Variants in CEP43 observed in about 807,000 individuals in gnomAD.
CEP43 encodes centrosomal protein 43.
In CEP43, 36 loss-of-function variants were observed where a neutral mutation model predicts 52.6. The ratio of observed to expected loss-of-function variants is 0.68; its 90% CI spans 0.52 to 0.90. The LOEUF is 0.90. Among genes scored for constraint, CEP43 ranks in the 40% least tolerant of loss-of-function variants. The pLI, the probability that CEP43 is intolerant of heterozygous loss-of-function variation, is 0.00. For synonymous variants in CEP43, 192 were observed against 172.4 expected (o/e 1.11, Z -0.89); for missense variants, 506 against 472.8 (o/e 1.07, Z -0.65).
rs1780489870 is a variant in CEP43, at chr6:167,032,502, A to T, written c.989-101A>T. 4 of 1,063,002 alleles carry T rather than the reference A, an allele frequency of 3.8e-6. No homozygotes were observed. In the South Asian group the frequency reaches 9.2e-5, roughly 24 times the overall value. The allele number at this position is 1,063,002 out of a possible 1,614,324, so 65.8% of individuals were successfully genotyped here. A position where few individuals can be genotyped will look rare whatever the true frequency, so the allele number is the denominator to read the frequency against. ...TTATTTCTAGTCTGGGACTTTTTAA[A>T]TGATGCAATATAATTAATTTTTTTT... On this transcript the variant is annotated intron_variant, in intron 10 of 12. Transcript: ENST00000366847.
In CEP43 at chr6:167,049,281, T is replaced by C. The variant is rs767082961; in HGVS notation, c.*9303T>C. ...GAAGGCAACTCTAAATTTTATGAAC[T>C]TCAAGTGCTATAAAACAATTACCAC... On this transcript the variant is annotated 3_prime_UTR_variant, in exon 13 of 13. Transcript: ENST00000366847. 6.6e-6 allele frequency: 1 copy of C among 152,256 alleles called. No homozygotes were observed. The highest frequency in any genetic ancestry group is 2.4e-5 in the African/African-American group (1 of 41,464). 9.4% of individuals were successfully genotyped at this position (152,256 alleles called of 1,614,324 possible).
rs878970084 is a variant in CEP43, at chr6:167,003,651, A to G, written c.212-72A>G. On this transcript the variant is annotated intron_variant, in intron 3 of 12. Coordinates refer to ENST00000366847, the MANE Select transcript of CEP43 (RefSeq NM_007045.4). ...TTTCTTCCATTAATTTAGTGTATCT[A>G]TTTCATAATGTTAATTTAAAAAATT... 16 of 894,588 alleles carry G rather than the reference A, an allele frequency of 1.8e-5. No homozygotes were observed. The South Asian group carries it at 2.4e-4, about 13-fold the overall frequency. 55.4% of individuals were successfully genotyped at this position (894,588 alleles called of 1,614,324 possible).
chr6:167,035,204 TA>T (rs1409469106), intron 12 of CEP43, among the ~76,000 whole-genome samples: 1 of 152,240 alleles, frequency 6.6e-6, no homozygotes, highest in African/African-American at 2.4e-5. Flanking sequence ...CTTAAAAGCT[TA>T]AATTTAGATA....
rs565116541 is a variant in CEP43, at chr6:167,003,163, A to T, written c.157-30A>T. On this transcript the variant is annotated intron_variant, in intron 2 of 12. Transcript: ENST00000366847. ...TTGTAGTTGTTTTTAGGGTAAACAC[A>T]TGACACTTAAATTTTTTTTTTTTTA... The T allele has an allele frequency of 3.8e-6, 4 of 1,044,160 alleles. No homozygotes were observed. In the South Asian group the frequency reaches 5.9e-5, roughly 15 times the overall value. 64.7% of individuals were successfully genotyped at this position (1,044,160 alleles called of 1,614,324 possible).
At chr6:167,038,073 T>C (rs1230474004) in intron 12 of CEP43, among the ~76,000 whole-genome samples, 1 of 152,248 alleles carries the variant, frequency 6.6e-6, no homozygotes, top group Admixed American at 6.5e-5. Context: ...GGTTTTTTCC[T>C]TAGTTAAGAA....
In CEP43 at chr6:167,004,344, A is replaced by G. The variant is rs766532128; in HGVS notation, c.381A>G (p.Leu127=). 21 of 1,612,238 alleles carry G rather than the reference A, an allele frequency of 1.3e-5. No homozygotes were observed. Among genetic ancestry groups the G allele is most frequent in the Non-Finnish European group, 1.8e-5 (21 of 1,179,070 alleles). ...CAGAAGGTACTGTGGGTGGACCCTT[A>G]TTATTAGAAGTGATCAGGCGCTGTC... ...IEAEGTVGGP[L]LLEVIRRCQQ... Residue 127 remains leucine, a synonymous_variant, in exon 5 of 13, where the codon TTA becomes TTG. Coordinates refer to ENST00000366847, the MANE Select transcript of CEP43 (RefSeq NM_007045.4).
Position 167,047,056 on chromosome 6 carries a change from C to G in CEP43, c.*7078C>G, listed in dbSNP as rs1250003074. The G allele has an allele frequency of 6.6e-6, 1 of 152,346 alleles. No homozygotes were observed. Among genetic ancestry groups the G allele is most frequent in the Non-Finnish European group, 1.5e-5 (1 of 68,188 alleles). The allele number at this position is 152,346 out of a possible 1,614,324, so 9.4% of individuals were successfully genotyped here. On this transcript the variant is annotated 3_prime_UTR_variant, in exon 13 of 13. Coordinates refer to ENST00000366847, the MANE Select transcript of CEP43 (RefSeq NM_007045.4). ...TAGGGGGCGCTGCCTGCAATGTCCACGTGGAAACCTGGCTGGGAGAATGCC... is the reference window on the plus strand; with the variant it reads ...TAGGGGGCGCTGCCTGCAATGTCCAGGTGGAAACCTGGCTGGGAGAATGCC...
rs1305991484 is a variant in CEP43, at chr6:167,047,135, G to C, written c.*7157G>C. 1.3e-5 allele frequency: 2 copies of C among 152,282 alleles called. No individual in the cohort carries two copies. Among genetic ancestry groups the C allele is most frequent in the African/African-American group, 4.8e-5 (2 of 41,436 alleles). The allele number at this position is 152,282 out of a possible 1,614,324, so 9.4% of individuals were successfully genotyped here. On this transcript the variant is annotated 3_prime_UTR_variant, in exon 13 of 13. Transcript: ENST00000366847. ...GTGAGCAAACCTTCTTCAGAGAGGG[G>C]ATGTTCAATGCGAAATTTGAACATT...
At chr6:167,039,790 T>C (rs1780655747) in intron 12 of CEP43, 114 bp from the exon 13 acceptor site, 2 of 1,025,494 alleles carry the variant, frequency 2.0e-6, no homozygotes, top group Admixed American at 4.4e-5. Context: ...TTTTTGATTA[T>C]GGCCATTCTT....
Position 167,040,230 on chromosome 6 carries a change from C to A in CEP43, c.*252C>A, listed in dbSNP as rs73033013. 1 of 1,520,196 alleles carries A rather than the reference C, an allele frequency of 6.6e-7. No individual in the cohort carries two copies. Among genetic ancestry groups the A allele is most frequent in the Non-Finnish European group, 8.8e-7 (1 of 1,141,900 alleles). 94.2% of individuals were successfully genotyped at this position (1,520,196 alleles called of 1,614,324 possible). On this transcript the variant is annotated 3_prime_UTR_variant, in exon 13 of 13. Transcript: ENST00000366847. Reference sequence around the variant, plus strand: ...TCTTTATGGAAATTGATTATCTACACTCAGTTTCATTACAGGGAAGGAACC... The same window carrying A: ...TCTTTATGGAAATTGATTATCTACAATCAGTTTCATTACAGGGAAGGAACC...
Position 167,052,462 on chromosome 6 carries a change from T to C in CEP43, c.*12484T>C, listed in dbSNP as rs1366691053. ...CTTTGTAAATTCCCAGTGACAACTC[T>C]TTGGAAGATGAAATCCCCCTCTTCC... is the stretch of plus-strand genomic sequence containing the variant. On this transcript the variant is annotated 3_prime_UTR_variant, in exon 13 of 13. Coordinates refer to ENST00000366847, the MANE Select transcript of CEP43 (RefSeq NM_007045.4). 2 of 152,188 alleles carry C rather than the reference T, an allele frequency of 1.3e-5. No homozygotes were observed. The highest frequency in any genetic ancestry group is 2.1e-4 in the South Asian group (1 of 4,832). The allele number at this position is 152,188 out of a possible 1,614,324, so 9.4% of individuals were successfully genotyped here.
At chr6:167,017,621 A>C (rs1449718955) in intron 7 of CEP43, among the ~76,000 whole-genome samples, 6 of 151,082 alleles carry the variant, frequency 4.0e-5, no homozygotes, top group Non-Finnish European at 8.8e-5. Context: ...AGTCAGTCTG[A>C]TACAATTCAG....
chr6:167,025,080 T>G lies in CEP43; in HGVS notation c.919+186T>G, dbSNP rs1780324940. 8 of 522,224 alleles carry G rather than the reference T, an allele frequency of 1.5e-5. No homozygotes were observed. The South Asian group carries it at 2.2e-4, about 15-fold the overall frequency. The allele number at this position is 522,224 out of a possible 1,614,324, so 32.3% of individuals were successfully genotyped here. A position where few individuals can be genotyped will look rare whatever the true frequency, so the allele number is the denominator to read the frequency against. On this transcript the variant is annotated intron_variant, in intron 9 of 12. Transcript: ENST00000366847. ...ACTTCTAAGGTGGTCCTATTTTATA[T>G]GTTGTTTTGTATTCTGGCCCTTCCT...
chr6:167,024,564 G>A (rs1780311707), intron 8 of CEP43, among the ~76,000 whole-genome samples: 1 of 152,218 alleles, frequency 6.6e-6, no homozygotes, highest in African/African-American at 2.4e-5. Flanking sequence ...AGAGAGGTGA[G>A]CTGATTTCTT....
intron 12 of CEP43, among the ~76,000 whole-genome samples, chr6:167,037,744 G>T (rs1780612273): frequency 6.6e-6 from 1 of 152,226 alleles, no homozygotes; most frequent in South Asian, 2.1e-4. Flanking sequence ...TGAAACTGTT[G>T]CATCTCTACA....
chr6:167,009,045 A>G (rs1779918772), intron 5 of CEP43, among the ~76,000 whole-genome samples: 1 of 151,944 alleles, frequency 6.6e-6, no homozygotes, highest in African/African-American at 2.4e-5. Flanking sequence ...ACTTGAGGCC[A>G]GGAGTTTGAG....
At chr6:167,036,580 T>C in intron 12 of CEP43, 1 of 985,412 alleles carries the variant, frequency 1.0e-6, no homozygotes, top group African/African-American at 1.7e-5. Flanking sequence ...ACGTGAACAT[T>C]TACACTTCAT....
chr6:167,009,154 G>A (rs1169563524), intron 5 of CEP43, among the ~76,000 whole-genome samples: 1 of 151,846 alleles, frequency 6.6e-6, no homozygotes, highest in South Asian at 2.1e-4. Flanking sequence ...CGCTTTGGGA[G>A]GCCAAGGCGG....
At chr6:167,001,454 G>A (rs1442992771) in intron 2 of CEP43, among the ~76,000 whole-genome samples, 2 of 151,974 alleles carry the variant, frequency 1.3e-5, no homozygotes, top group African/African-American at 4.8e-5. Flanking sequence ...CCACTCCTTG[G>A]TTTCTTTAGC....
Sources: gnomAD v4.1 joint callset for allele counts (sites outside exome capture counted in the v4.1 genomes callset) on GRCh38, gnomAD v4.1.1 for gene constraint, MANE v1.5 for transcripts, NCBI Gene and HGNC (gene_info 2026-07-23, HGNC 2026-07-21) for gene names.